Variants in GBE1 observed in about 807,000 individuals in gnomAD.
The protein encoded by GBE1 is 1,4-alpha-glucan branching enzyme 1.
In GBE1, 70 loss-of-function variants were observed where a neutral mutation model predicts 88.8. The ratio of observed to expected loss-of-function variants is 0.79; its 90% CI spans 0.65 to 0.96. The LOEUF (loss-of-function observed/expected upper bound fraction) is 0.96. Ranked by LOEUF, GBE1 falls within the 40% of genes least tolerant of loss-of-function variation. The pLI, the probability that GBE1 is intolerant of heterozygous loss-of-function variation, is 0.00. For missense variants in GBE1, 872 were observed against 871.0 expected, an observed-to-expected ratio of 1.00 and a Z score of -0.01; for synonymous variants, 284 against 300.1, an observed-to-expected ratio of 0.95 and a Z score of 0.56.
chr3:81,682,999 CATATT>C (rs1349153198), intron 2 of GBE1, among the ~76,000 whole-genome samples: 29 of 152,098 alleles, frequency 1.9e-4, no homozygotes, highest in African/African-American at 6.3e-4. Context: ...CAAAAAAACA[CATATT>C]ATATGATACC....
intron 3 of GBE1, among the ~76,000 whole-genome samples, chr3:81,658,023 A>C (rs1012075903): frequency 2.0e-5 from 3 of 152,172 alleles, no homozygotes; most frequent in African/African-American, 7.2e-5. Context: ...GAAATTAGTT[A>C]AACTTCTAAA....
At chr3:81,493,887 C>G (rs1702469370) in intron 15 of GBE1, among the ~76,000 whole-genome samples, 1 of 151,812 alleles carries the variant, frequency 6.6e-6, no homozygotes, top group Non-Finnish European at 1.5e-5. Context: ...AACATATGCA[C>G]TGCAATATAT....
intron 2 of GBE1, among the ~76,000 whole-genome samples, chr3:81,672,543 A>C (rs1204796434): frequency 6.6e-6 from 1 of 152,006 alleles, no homozygotes; most frequent in Admixed American, 6.6e-5. Flanking sequence ...AACTATCAAA[A>C]CATTATATGA....
chr3:81,491,724 TAA>T (rs879519536), intron 15 of GBE1, among the ~76,000 whole-genome samples: 1 of 144,782 alleles, frequency 6.9e-6, no homozygotes. Flanking sequence ...CCTGATGGTT[TAA>T]AAAAAAAAAG....
chr3:81,560,984 A>G (rs1703408416), intron 12 of GBE1, among the ~76,000 whole-genome samples: 1 of 152,020 alleles, frequency 6.6e-6, no homozygotes, highest in Non-Finnish European at 1.5e-5. Context: ...TTATACTTCT[A>G]TGGGTACAAC....
chr3:81,734,301 AT>A (rs1205359256), intron 1 of GBE1, among the ~76,000 whole-genome samples: 1 of 152,172 alleles, frequency 6.6e-6, no homozygotes, highest in Non-Finnish European at 1.5e-5. Flanking sequence ...CTACAGAGAA[AT>A]TTGTATTTTA....
chr3:81,580,629 A>G (rs1396814523), intron 11 of GBE1, among the ~76,000 whole-genome samples: 2 of 152,128 alleles, frequency 1.3e-5, no homozygotes, highest in Admixed American at 6.6e-5. Flanking sequence ...TTCGACCAGT[A>G]TATCTGGGTT....
chr3:81,495,208 A>G (rs1576119347), intron 15 of GBE1, among the ~76,000 whole-genome samples: 1 of 152,116 alleles, frequency 6.6e-6, no homozygotes, highest in African/African-American at 2.4e-5. Flanking sequence ...GGCCAACATG[A>G]TGAAACCTCG....
chr3:81,540,684 C>T (rs1703131818), intron 12 of GBE1, among the ~76,000 whole-genome samples: 1 of 151,974 alleles, frequency 6.6e-6, no homozygotes, highest in South Asian at 2.1e-4. Flanking sequence ...AAACATATAT[C>T]CCAAAGCCAA....
chr3:81,722,906 AT>A, intron 1 of GBE1, among the ~76,000 whole-genome samples: 1 of 144,140 alleles, frequency 6.9e-6, no homozygotes, highest in Non-Finnish European at 1.5e-5. Context: ...GTATATATAT[AT>A]ATATATATAC....
intron 1 of GBE1, among the ~76,000 whole-genome samples, chr3:81,718,924 C>T (rs1312805661): frequency 2.0e-5 from 3 of 152,092 alleles, no homozygotes; most frequent in East Asian, 1.9e-4. Context: ...AGTTAGCCAC[C>T]GCGCCCTGCC....
intron 14 of GBE1, among the ~76,000 whole-genome samples, chr3:81,515,513 TC>T (rs1559630452): frequency 6.6e-6 from 1 of 151,450 alleles, no homozygotes; most frequent in African/African-American, 2.4e-5. Flanking sequence ...CTCCGTATTG[TC>T]TAAGACCATA....
intron 9 of GBE1, among the ~76,000 whole-genome samples, chr3:81,587,783 A>G (rs944836561): frequency 2.6e-5 from 4 of 152,174 alleles, no homozygotes; most frequent in African/African-American, 9.7e-5. Flanking sequence ...ATAAGACATA[A>G]TATCTGACTT....
intron 2 of GBE1, among the ~76,000 whole-genome samples, chr3:81,686,607 T>A (rs1417587597): frequency 6.6e-6 from 1 of 151,860 alleles, no homozygotes; most frequent in African/African-American, 2.4e-5. Context: ...AAATACAAAA[T>A]TACCCGTGTA....
intron 1 of GBE1, among the ~76,000 whole-genome samples, chr3:81,757,153 C>T (rs1047999788): frequency 6.6e-6 from 1 of 152,086 alleles, no homozygotes; most frequent in African/African-American, 2.4e-5. Flanking sequence ...TATCATGTTT[C>T]TAATTTATTT....
chr3:81,581,485 TTGTG>T (rs148901178), intron 10 of GBE1, among the ~76,000 whole-genome samples: 3 of 150,650 alleles, frequency 2.0e-5, no homozygotes, highest in South Asian at 2.1e-4. Flanking sequence ...TAGAGTGTGT[TTGTG>T]TGTGTGTGTG....
intron 2 of GBE1, among the ~76,000 whole-genome samples, chr3:81,678,589 A>G (rs1478091202): frequency 1.3e-5 from 2 of 152,166 alleles, no homozygotes; most frequent in African/African-American, 2.4e-5. Flanking sequence ...TCATGTAAGA[A>G]AGGGATTGAT....
At chr3:81,704,760 T>A (rs1457151276) in intron 2 of GBE1, among the ~76,000 whole-genome samples, 2 of 152,120 alleles carry the variant, frequency 1.3e-5, no homozygotes, top group African/African-American at 4.8e-5. Context: ...ATCATTCTAG[T>A]AATGTATTTA....
intron 1 of GBE1, among the ~76,000 whole-genome samples, chr3:81,748,057 T>C (rs902909220): frequency 6.6e-6 from 1 of 151,686 alleles, no homozygotes; most frequent in Non-Finnish European, 1.5e-5. Flanking sequence ...GAGGCAGAGG[T>C]TGCAGTGAGC....
Sources: gnomAD v4.1 joint callset for allele counts (sites outside exome capture counted in the v4.1 genomes callset) on GRCh38, gnomAD v4.1.1 for gene constraint, MANE v1.5 for transcripts, NCBI Gene and HGNC (gene_info 2026-07-23, HGNC 2026-07-21) for gene names.